Variants in CTPS2 observed in about 807,000 individuals in gnomAD.
CTPS2 encodes the protein CTP synthase 2, also known as CTP synthase II.
A neutral mutation model predicts 46.8 loss-of-function variants in CTPS2; 19 were observed. The ratio of observed to expected loss-of-function variants is 0.41; its 90% CI spans 0.28 to 0.60. The LOEUF (loss-of-function observed/expected upper bound fraction) is 0.60. Among genes scored for constraint, CTPS2 ranks in the 20% least tolerant of loss-of-function variants. The pLI, the probability that CTPS2 is intolerant of heterozygous loss-of-function variation, is 0.35. For synonymous variants in CTPS2, 151 were observed against 165.2 expected (o/e 0.91, Z 0.66); for missense variants, 286 against 447.6 (o/e 0.64, Z 3.26).
intron 8 of CTPS2, among the ~76,000 whole-genome samples, chrX:16,686,512 C>T (rs1923219535): frequency 8.9e-6 from 1 of 111,964 alleles, no homozygotes; most frequent in Non-Finnish European, 1.9e-5. Flanking sequence ...CTGAGATCAT[C>T]CTGGATTAGG....
intron 14 of CTPS2, among the ~76,000 whole-genome samples, chrX:16,632,749 A>G (rs1931545577): frequency 9.0e-6 from 1 of 111,277 alleles, no homozygotes; most frequent in African/African-American, 3.3e-5. Flanking sequence ...GAGAGTGATT[A>G]TAGCACTAGA....
chrX:16,625,771 G>A (rs748571613), intron 14 of CTPS2, among the ~76,000 whole-genome samples: 9 of 110,123 alleles, frequency 8.2e-5, no homozygotes, highest in South Asian at 3.9e-4. Context: ...GAGTTTGGCC[G>A]TCCAGCAGCC....
intron 10 of CTPS2, among the ~76,000 whole-genome samples, chrX:16,678,012 A>C (rs779756526): frequency 8.9e-6 from 1 of 111,950 alleles, no homozygotes; most frequent in East Asian, 2.8e-4. Context: ...AGAGAGAAAA[A>C]AAAAGCTGTC....
chrX:16,684,523 A>C (rs5980320), intron 8 of CTPS2, among the ~76,000 whole-genome samples: 32,839 of 96,190 alleles, frequency 0.34, 5,533 homozygotes, highest in African/African-American at 0.37. Flanking sequence ...AAAAAAAAAA[A>C]AAAAACAAAA....
chrX:16,591,333 T>G (rs780620871), intron 17 of CTPS2, among the ~76,000 whole-genome samples: 1 of 111,795 alleles, frequency 8.9e-6, no homozygotes, highest in Admixed American at 9.5e-5. Context: ...TACTAGGGAC[T>G]AAACCTCAGT....
chrX:16,645,469 C>T (rs910810022), intron 13 of CTPS2, among the ~76,000 whole-genome samples: 6 of 110,984 alleles, frequency 5.4e-5, no homozygotes, highest in Admixed American at 9.6e-5. Flanking sequence ...AGGCCGAGTA[C>T]ACACTATGCC....
At chrX:16,682,429 G>A (rs1342510192) in intron 9 of CTPS2, among the ~76,000 whole-genome samples, 3 of 112,050 alleles carry the variant, frequency 2.7e-5, no homozygotes, top group Non-Finnish European at 5.6e-5. Flanking sequence ...AGGTTGCGGT[G>A]GGCCGAGATC....
intron 17 of CTPS2, among the ~76,000 whole-genome samples, chrX:16,597,215 AT>A (rs1316430808): frequency 9.0e-6 from 1 of 111,626 alleles, no homozygotes; most frequent in African/African-American, 3.3e-5. Flanking sequence ...CCATTTGTCA[AT>A]TTTGGCTTTT....
intron 1 of CTPS2, 59 bp from the exon 2 acceptor site, chrX:16,703,000 A>C: frequency 2.7e-6 from 2 of 732,892 alleles, no homozygotes; most frequent in Non-Finnish European, 3.9e-6. Context: ...AGTAAAGCAG[A>C]CAGTGTATTC....
chrX:16,599,718 C>T (rs1033955271), intron 17 of CTPS2, among the ~76,000 whole-genome samples: 3 of 109,125 alleles, frequency 2.7e-5, no homozygotes, highest in African/African-American at 6.7e-5. Context: ...TCAGGTGATC[C>T]GCCCACCTCG....
chrX:16,669,098 G>C (rs780241014), intron 11 of CTPS2, among the ~76,000 whole-genome samples: 1 of 111,038 alleles, frequency 9.0e-6, no homozygotes, highest in Non-Finnish European at 1.9e-5. Flanking sequence ...GCAGCAGTGG[G>C]GGGTGGGGGT....
intron 13 of CTPS2, among the ~76,000 whole-genome samples, chrX:16,644,114 T>G (rs1331937002): frequency 1.8e-5 from 2 of 110,845 alleles, no homozygotes; most frequent in African/African-American, 6.6e-5. Context: ...AAAAGGGACT[T>G]TGCAGATGTG....
At chrX:16,681,266 AAAG>A (rs1273870541) in intron 9 of CTPS2, among the ~76,000 whole-genome samples, 1 of 111,859 alleles carries the variant, frequency 8.9e-6, no homozygotes, top group Non-Finnish European at 1.9e-5. Flanking sequence ...AGGAGGCTAA[AAAG>A]AGGAGAGAGA....
At chrX:16,611,211 G>A (rs1381682569) in intron 16 of CTPS2, among the ~76,000 whole-genome samples, 4 of 111,930 alleles carry the variant, frequency 3.6e-5, no homozygotes, top group Non-Finnish European at 7.5e-5. Flanking sequence ...AGCACTCTGG[G>A]AGGCCAAGGT....
intron 14 of CTPS2, among the ~76,000 whole-genome samples, chrX:16,623,973 A>G (rs1231955163): frequency 9.3e-6 from 1 of 107,475 alleles, no homozygotes; most frequent in Non-Finnish European, 1.9e-5. Context: ...ATGCCTGGCT[A>G]ATTTTTTGTA....
At chrX:16,644,787 T>TAG (rs1321248455) in intron 13 of CTPS2, among the ~76,000 whole-genome samples, 1 of 112,691 alleles carries the variant, frequency 8.9e-6, no homozygotes, top group Non-Finnish European at 1.9e-5. Context: ...ACAACAGCCA[T>TAG]AGGAATCTAA....
At chrX:16,711,113 A>G (rs971919267) in intron 1 of CTPS2, among the ~76,000 whole-genome samples, 2 of 111,212 alleles carry the variant, frequency 1.8e-5, no homozygotes, top group African/African-American at 6.5e-5. Flanking sequence ...TGTCTCCACT[A>G]CCTAATAAAA....
intron 14 of CTPS2, among the ~76,000 whole-genome samples, chrX:16,635,111 T>C (rs1931675548): frequency 8.9e-6 from 1 of 111,868 alleles, no homozygotes; most frequent in African/African-American, 3.2e-5. Context: ...TACTGGCCTA[T>C]AAGTCAAATT....
intron 17 of CTPS2, among the ~76,000 whole-genome samples, chrX:16,603,872 T>A (rs946049201): frequency 9.0e-6 from 1 of 110,965 alleles, no homozygotes; most frequent in Non-Finnish European, 1.9e-5. Context: ...CAATGGTGAA[T>A]GAAATGGGTT....
Sources: allele counts gnomAD v4.1 joint callset (sites outside exome capture counted in the v4.1 genomes callset), GRCh38; gene constraint gnomAD v4.1.1; transcripts MANE v1.5; gene names NCBI Gene and HGNC (gene_info 2026-07-23, HGNC 2026-07-21).